Variants in SGCZ observed in about 807,000 individuals in gnomAD.
The protein encoded by SGCZ is zeta-sarcoglycan.
SGCZ carries 40 observed loss-of-function variants against 41.3 expected under a neutral mutation model. The ratio of observed to expected loss-of-function variants is 0.97; its 90% CI spans 0.75 to 1.26. SGCZ has a LOEUF of 1.26. Among genes scored for constraint, SGCZ ranks in the 50% most tolerant of loss-of-function variants. The pLI is 0.00. For missense variants in SGCZ, 552 were observed against 369.8 expected (o/e 1.49, Z -4.04); for synonymous variants, 206 against 137.5 (o/e 1.50, Z -3.49).
intron 1 of SGCZ, among the ~76,000 whole-genome samples, chr8:14,833,192 C>T (rs1440480478): frequency 1.3e-5 from 2 of 151,936 alleles, no homozygotes; most frequent in Non-Finnish European, 2.9e-5. Context: ...AATTAATATG[C>T]CAAAGTATAG....
At chr8:14,228,988 C>G (rs1806468752) in intron 4 of SGCZ, among the ~76,000 whole-genome samples, 1 of 152,040 alleles carries the variant, frequency 6.6e-6, no homozygotes, top group South Asian at 2.1e-4. Context: ...GCGGAGCTGG[C>G]TTTGTAGAAC....
At chr8:14,970,928 A>C (rs1038188152) in intron 1 of SGCZ, among the ~76,000 whole-genome samples, 13 of 152,322 alleles carry the variant, frequency 8.5e-5, no homozygotes, top group South Asian at 4.1e-4. Flanking sequence ...CCAGCCATGA[A>C]TACTACATAT....
At chr8:14,157,595 TAAAAA>T (rs935774126) in intron 5 of SGCZ, among the ~76,000 whole-genome samples, 1 of 144,550 alleles carries the variant, frequency 6.9e-6, no homozygotes, top group Non-Finnish European at 1.5e-5. Context: ...TGCAGAAAAA[TAAAAA>T]AAAAACATGG....
intron 3 of SGCZ, among the ~76,000 whole-genome samples, chr8:14,287,659 C>G (rs1473492572): frequency 6.6e-6 from 1 of 151,962 alleles, no homozygotes; most frequent in African/African-American, 2.4e-5. Flanking sequence ...ATCTATATGA[C>G]AGTCAGGTTT....
chr8:14,096,640 C>G (rs1801853442), intron 7 of SGCZ, among the ~76,000 whole-genome samples: 1 of 152,066 alleles, frequency 6.6e-6, no homozygotes, highest in South Asian at 2.1e-4. Context: ...GGGAGGATTC[C>G]CTCTTTTTCT....
At chr8:14,510,673 A>C (rs1205107509) in intron 2 of SGCZ, among the ~76,000 whole-genome samples, 2 of 152,198 alleles carry the variant, frequency 1.3e-5, no homozygotes, top group South Asian at 2.1e-4. Context: ...TGAATGAAAA[A>C]GAAGACAAAT....
chr8:14,430,065 T>G (rs1255781071), intron 2 of SGCZ, among the ~76,000 whole-genome samples: 1 of 152,130 alleles, frequency 6.6e-6, no homozygotes, highest in East Asian at 1.9e-4. Flanking sequence ...TCGGTTAATC[T>G]GGCCAGTGGT....
chr8:15,025,812 G>A (rs942553435), intron 1 of SGCZ, among the ~76,000 whole-genome samples: 9 of 152,078 alleles, frequency 5.9e-5, no homozygotes, highest in African/African-American at 1.9e-4. Context: ...TGTTCCATTT[G>A]CATCAACTCT....
At chr8:14,486,501 T>C (rs1392975831) in intron 2 of SGCZ, among the ~76,000 whole-genome samples, 5 of 152,248 alleles carry the variant, frequency 3.3e-5, no homozygotes, top group African/African-American at 1.2e-4. Context: ...AAACATTATT[T>C]GTAAACACTA....
At chr8:14,118,212 T>G (rs1802583798) in intron 5 of SGCZ, among the ~76,000 whole-genome samples, 1 of 152,102 alleles carries the variant, frequency 6.6e-6, no homozygotes, top group Non-Finnish European at 1.5e-5. Context: ...AGTGTAAAAG[T>G]GTTCCTATTT....
chr8:14,125,498 C>T (rs139494875), intron 5 of SGCZ, among the ~76,000 whole-genome samples: 2,432 of 118,562 alleles, frequency 0.021, 35 homozygotes, highest in Non-Finnish European at 0.028. Context: ...AGAAAGATTC[C>T]GTCTCAAAAA....
At chr8:14,478,561 C>T (rs1169419046) in intron 2 of SGCZ, among the ~76,000 whole-genome samples, 2 of 151,640 alleles carry the variant, frequency 1.3e-5, no homozygotes, top group African/African-American at 4.9e-5. Flanking sequence ...GGAGCCCAGA[C>T]GATTTTTAGG....
chr8:14,274,738 A>C lies in SGCZ; in HGVS notation c.337-37059T>G, dbSNP rs575399311. 2.1e-4 allele frequency among the ~76,000 whole-genome samples: 32 copies of C among 152,192 alleles called. No individual in the cohort carries two copies. In the South Asian group the frequency reaches 6.4e-3, roughly 31 times the overall value. ...CCACATATAATTTTTTTCACAAAAAAATTATACTGCTTATAATTTTATATT... is the reference window on the plus strand; with the variant it reads ...CCACATATAATTTTTTTCACAAAAACATTATACTGCTTATAATTTTATATT... On this transcript the variant is annotated intron_variant, in intron 3 of 7. Transcript: ENST00000382080.
chr8:14,634,403 C>T (rs1806760033), intron 1 of SGCZ, among the ~76,000 whole-genome samples: 1 of 151,626 alleles, frequency 6.6e-6, no homozygotes, highest in Non-Finnish European at 1.5e-5. Context: ...TTTTAAACCA[C>T]CCACACTCAA....
In SGCZ at chr8:14,090,322, G is replaced by A; in HGVS notation, c.*121C>T. On this transcript the variant is annotated 3_prime_UTR_variant, in exon 8 of 8. Coordinates refer to ENST00000382080, the MANE Select transcript of SGCZ (RefSeq NM_139167.4). ...TGGTGGCGAATCCCTGCTCACACTGGAAGTTGCTCTGTGGACCATTCGAAG... is the reference window on the plus strand; with the variant it reads ...TGGTGGCGAATCCCTGCTCACACTGAAAGTTGCTCTGTGGACCATTCGAAG... 2 of 977,834 alleles carry A rather than the reference G, an allele frequency of 2.0e-6. No homozygotes were observed. Among genetic ancestry groups the A allele is most frequent in the Admixed American group, 2.5e-5 (1 of 40,078 alleles). The allele number at this position is 977,834 out of a possible 1,614,324, so 60.6% of individuals were successfully genotyped here. A position where few individuals can be genotyped will look rare whatever the true frequency, so the allele number is the denominator to read the frequency against.
intron 3 of SGCZ, among the ~76,000 whole-genome samples, chr8:14,291,049 A>T (rs188677721): frequency 6.6e-6 from 1 of 152,072 alleles, no homozygotes; most frequent in African/African-American, 2.4e-5. Flanking sequence ...ACATGGATGA[A>T]CTTGGAGGAC....
intron 6 of SGCZ, among the ~76,000 whole-genome samples, chr8:14,104,475 G>GA (rs1167184194): frequency 6.6e-6 from 1 of 151,686 alleles, no homozygotes; most frequent in African/African-American, 2.4e-5. Context: ...TCAACATTCA[G>GA]AAAAAAGAAG....
intron 1 of SGCZ, among the ~76,000 whole-genome samples, chr8:14,767,723 C>T (rs1033600721): frequency 7.9e-5 from 12 of 152,268 alleles, no homozygotes; most frequent in African/African-American, 2.4e-4. Context: ...AACAGGTGGT[C>T]CTGCCATGAC....
chr8:14,297,135 C>G (rs1483399983), intron 3 of SGCZ, among the ~76,000 whole-genome samples: 1 of 152,038 alleles, frequency 6.6e-6, no homozygotes, highest in Non-Finnish European at 1.5e-5. Context: ...GTTAGCTAGG[C>G]TGGTCTCAAA....
Sources: gnomAD v4.1 joint callset for allele counts (sites outside exome capture counted in the v4.1 genomes callset) on GRCh38, gnomAD v4.1.1 for gene constraint, MANE v1.5 for transcripts, NCBI Gene and HGNC (gene_info 2026-07-23, HGNC 2026-07-21) for gene names.